PIGN: variants seen among roughly 807,000 people sequenced by gnomAD.
PIGN encodes the protein GPI ethanolamine phosphate transferase 1.
PIGN carries 117 observed loss-of-function variants against 125.4 expected under a neutral mutation model. The ratio of observed to expected loss-of-function variants is 0.93; its 90% CI spans 0.80 to 1.09. PIGN has a LOEUF of 1.09. PIGN is among the 50% of genes least tolerant of loss of function. The pLI, the probability that PIGN is intolerant of heterozygous loss-of-function variation, is 0.00. For missense variants in PIGN, 1,075 were observed against 1,094.9 expected, an observed-to-expected ratio of 0.98 and a Z score of 0.26; for synonymous variants, 392 against 377.8, an observed-to-expected ratio of 1.04 and a Z score of -0.44.
chr18:62,070,469 T>C (rs1267576969), intron 30 of PIGN: 5 of 398,466 alleles, frequency 1.3e-5, no homozygotes, highest in South Asian at 2.5e-4. Flanking sequence ...GAGGCAGATA[T>C]GTACATAAAT....
intron 30 of PIGN, among the ~76,000 whole-genome samples, chr18:62,071,309 T>C (rs2032832547): frequency 6.6e-6 from 1 of 152,134 alleles, no homozygotes; most frequent in Non-Finnish European, 1.5e-5. Flanking sequence ...AAACCGCGGA[T>C]TCAAGCAGTT....
chr18:62,137,033 G>A (rs2147112697), intron 14 of PIGN: 1 of 398,544 alleles, frequency 2.5e-6, no homozygotes, highest in East Asian at 3.6e-5. Flanking sequence ...GTTGCCAAAG[G>A]AGATTAACCT....
chr18:62,041,136 C>G (rs1403239757), downstream of PIGN: 1 of 152,080 alleles, frequency 6.6e-6, no homozygotes. Context: ...TAATCACTTT[C>G]TACACTGTCA....
chr18:62,058,112 G>A (rs2031858100), intron 30 of PIGN, among the ~76,000 whole-genome samples: 1 of 152,080 alleles, frequency 6.6e-6, no homozygotes, highest in African/African-American at 2.4e-5. Flanking sequence ...TTCTTGTAAA[G>A]ACTCTTTCTT....
chr18:62,185,273 T>C (rs538828519), intron 1 of PIGN, among the ~76,000 whole-genome samples: 317 of 152,318 alleles, frequency 2.1e-3, no homozygotes, highest in African/African-American at 7.2e-3. Flanking sequence ...TCTAACAGGA[T>C]ACAGTATTTG....
chr18:62,043,945 GT>G lies in PIGN; in HGVS notation c.*1910del, dbSNP rs1371635958. 5.3e-5 allele frequency: 8 copies of G among 152,072 alleles called. No homozygotes were observed. Among genetic ancestry groups the G allele is most frequent in the Admixed American group, 1.3e-4 (2 of 15,280 alleles). 9.4% of individuals were successfully genotyped at this position (152,072 alleles called of 1,614,324 possible). On this transcript the variant is annotated 3_prime_UTR_variant, in exon 31 of 31. Transcript: ENST00000640252. ...TTTCCCTAACTCGTTTCTTTTTTCT[GT>G]TTTGCAACATAAAAATATACATTTC...
intron 14 of PIGN, among the ~76,000 whole-genome samples, chr18:62,119,425 T>TA (rs1404347252): frequency 2.0e-5 from 3 of 152,190 alleles, no homozygotes; most frequent in African/African-American, 4.8e-5. Flanking sequence ...TCTATTTTTT[T>TA]AAAAATCAAA....
At chr18:62,150,035 G>A (rs1352318403) in intron 7 of PIGN, among the ~76,000 whole-genome samples, 1 of 152,226 alleles carries the variant, frequency 6.6e-6, no homozygotes, top group East Asian at 1.9e-4. Context: ...AGGCTGGAGT[G>A]CAGCAGCACA....
chr18:62,100,276 A>C (rs929856888), intron 22 of PIGN, among the ~76,000 whole-genome samples: 1 of 152,214 alleles, frequency 6.6e-6, no homozygotes, highest in Non-Finnish European at 1.5e-5. Context: ...ATATCATCTC[A>C]CCCCAGTTAG....
chr18:62,070,163 G>C (rs1243633563), intron 30 of PIGN: 2 of 371,764 alleles, frequency 5.4e-6, no homozygotes, highest in African/African-American at 4.2e-5. Flanking sequence ...GGGGGGCTTA[G>C]AGAGATTAAG....
intron 30 of PIGN, among the ~76,000 whole-genome samples, chr18:62,050,945 T>C (rs560715443): frequency 5.9e-4 from 89 of 151,644 alleles, no homozygotes; most frequent in African/African-American, 2.1e-3. Flanking sequence ...CTTTTCTGCA[T>C]CTATTGAGAT....
In PIGN at chr18:62,109,878, T is replaced by C. The variant is rs373958969; in HGVS notation, c.1530A>G (p.Val510=). The C allele has an allele frequency of 9.3e-6, 15 of 1,612,960 alleles. No individual in the cohort carries two copies. In the African/African-American group the frequency reaches 2.0e-4, roughly 22 times the overall value. ...ATATTGGCAGTGGCAACAAACCATA[T>C]ACATAATATGTCCAGGGACAGGCTT... ...LIQACPWTYY[V]YGLLPLPIWY... is the part of the protein sequence containing the mutation. Residue 510 remains valine (V), a synonymous_variant, in exon 17 of 31, where the codon GTA becomes GTG. Coordinates refer to ENST00000640252, the MANE Select transcript of PIGN (RefSeq NM_176787.5).
At chr18:62,166,049 G>T (rs540291836) in intron 1 of PIGN, among the ~76,000 whole-genome samples, 1 of 152,250 alleles carries the variant, frequency 6.6e-6, no homozygotes, top group African/African-American at 2.4e-5. Context: ...GTGTGCTGAG[G>T]AATAATTTAG....
intron 7 of PIGN, among the ~76,000 whole-genome samples, chr18:62,151,239 C>T (rs1396682712): frequency 1.3e-5 from 2 of 152,066 alleles, no homozygotes; most frequent in South Asian, 2.1e-4. Flanking sequence ...AGGGGTCTTC[C>T]CCGACCACTA....
intron 11 of PIGN, among the ~76,000 whole-genome samples, chr18:62,141,091 T>G (rs1438649069): frequency 6.6e-6 from 1 of 152,194 alleles, no homozygotes; most frequent in Non-Finnish European, 1.5e-5. Flanking sequence ...TTCCAAAGAC[T>G]GCTCTCTCTA....
At position 62,101,123 on chromosome 18, in the gene PIGN, T is replaced by C. The variant is rs1164591181; in HGVS notation, c.2029A>G (p.Lys677Glu). Residue 677 changes from lysine (K) to glutamate (E), a missense_variant, in exon 22 of 31, where the codon AAG (lysine) becomes GAG (glutamate). Physicochemically the swap from Lys to Glu is moderately conservative, Grantham distance 56. This residue lies in a region of PIGN where 915 missense variants were observed against 908.7 expected (regional missense o/e 1.01). Coordinates refer to ENST00000640252, the MANE Select transcript of PIGN (RefSeq NM_176787.5). The part of the protein sequence containing the change: ...VYSTQSSLLR[K>E]QGLPLMNQII... The stretch of plus-strand genomic sequence containing the variant: ...TGATTCATGAGAGGCAGTCCTTGCT[T>C]CCTGAGTAGACTACTCTGAGTGCTA... 6.2e-7 allele frequency: 1 copy of C among 1,612,276 alleles called. No homozygotes were observed. The highest frequency in any genetic ancestry group is 1.1e-5 in the South Asian group (1 of 91,056).
At chr18:62,020,740 G>A (rs773293799) in intron 23 of PIGN, among the ~76,000 whole-genome samples, 55 of 151,488 alleles carry the variant, frequency 3.6e-4, no homozygotes, top group Non-Finnish European at 6.9e-4. Flanking sequence ...ACGAGGTCAG[G>A]AGATCCCAGA....
At chr18:62,185,661 C>CTGACCTGATAGCACTAA (rs2037910877) in intron 1 of PIGN, among the ~76,000 whole-genome samples, 1 of 29,096 alleles carries the variant, frequency 3.4e-5, no homozygotes, top group African/African-American at 7.4e-5. Context: ...TAATATGTCA[C>CTGACCTGATAGCACTAA]TTACCTGTAC....
intron 30 of PIGN, among the ~76,000 whole-genome samples, chr18:62,064,920 TA>T (rs34675492): frequency 0.58 from 87,430 of 150,158 alleles, 26,097 homozygotes; most frequent in East Asian, 0.78. Flanking sequence ...TTGACACTTC[TA>T]AAAAAAAAAA....
Sources: allele counts gnomAD v4.1 joint callset (sites outside exome capture counted in the v4.1 genomes callset), GRCh38; gene constraint gnomAD v4.1.1; regional missense constraint gnomAD v4.1.1; transcripts MANE v1.5; gene names NCBI Gene and HGNC (gene_info 2026-07-23, HGNC 2026-07-21).